Variants in GALNT7 observed in about 807,000 individuals in gnomAD.
GALNT7 encodes the protein N-acetylgalactosaminyltransferase 7.
In GALNT7, 60 loss-of-function variants were observed where a neutral mutation model predicts 82.1. That is an observed-to-expected ratio of 0.73 (90% CI 0.59 to 0.91). The LOEUF is 0.91. Among genes scored for constraint, GALNT7 ranks in the 40% least tolerant of loss-of-function variants. The pLI is 0.00. For synonymous variants in GALNT7, 243 were observed against 275.1 expected, an observed-to-expected ratio of 0.88 and a Z score of 1.15; for missense variants, 660 against 804.2, an observed-to-expected ratio of 0.82 and a Z score of 2.17.
At chr4:173,210,720 C>T (rs28546457) in intron 1 of GALNT7, among the ~76,000 whole-genome samples, 3,485 of 152,240 alleles carry the variant, frequency 0.023, 99 homozygotes, top group African/African-American at 0.068. Context: ...GGGTGAGCCA[C>T]CATGCCTGGC....
intron 3 of GALNT7, among the ~76,000 whole-genome samples, chr4:173,293,002 G>A (rs1736596752): frequency 6.6e-6 from 1 of 152,038 alleles, no homozygotes; most frequent in Admixed American, 6.6e-5. Context: ...TAACAATAAT[G>A]TTTTCATTAA....
intron 1 of GALNT7, among the ~76,000 whole-genome samples, chr4:173,170,119 A>T (rs1178774909): frequency 6.6e-6 from 1 of 151,882 alleles, no homozygotes; most frequent in East Asian, 2.0e-4. Context: ...CTCGCCCCCG[A>T]CCCTGACCTG....
chr4:173,308,430 T>C (rs1223063703), intron 8 of GALNT7, among the ~76,000 whole-genome samples: 1 of 152,178 alleles, frequency 6.6e-6, no homozygotes, highest in Non-Finnish European at 1.5e-5. Context: ...AAAATATGGT[T>C]TGGTTTTTTT....
At chr4:173,310,294 G>C (rs964026811) in intron 8 of GALNT7, among the ~76,000 whole-genome samples, 7 of 152,152 alleles carry the variant, frequency 4.6e-5, no homozygotes, top group African/African-American at 7.2e-5. Flanking sequence ...ATGAAACTTA[G>C]GGAGGCATGT....
intron 2 of GALNT7, among the ~76,000 whole-genome samples, chr4:173,251,878 A>G (rs911330983): frequency 1.3e-5 from 2 of 152,220 alleles, no homozygotes; most frequent in Non-Finnish European, 2.9e-5. Context: ...TCATTTTTTA[A>G]TATTTCAAAA....
chr4:173,223,280 A>G (rs1733700298), intron 1 of GALNT7, among the ~76,000 whole-genome samples: 1 of 152,124 alleles, frequency 6.6e-6, no homozygotes, highest in Non-Finnish European at 1.5e-5. Context: ...TTTTCACACC[A>G]TATCCTGCCT....
chr4:173,257,253 C>T lies in GALNT7; in HGVS notation c.587+8813C>T, dbSNP rs1735075551. Among the ~76,000 whole-genome samples, 3 of 152,142 alleles carry T rather than the reference C, an allele frequency of 2.0e-5. No homozygotes were observed. The South Asian group carries it at 6.2e-4, about 32-fold the overall frequency. On this transcript the variant is annotated intron_variant, in intron 2 of 11. Transcript: ENST00000265000. ...CAGTTTCCCCATGGTTAAGGCAAGTCATTGGAGAGAGCTGTAAAGCAAGAT... is the reference window on the plus strand; with the variant it reads ...CAGTTTCCCCATGGTTAAGGCAAGTTATTGGAGAGAGCTGTAAAGCAAGAT...
chr4:173,205,067 T>C (rs1247476087), intron 1 of GALNT7, among the ~76,000 whole-genome samples: 3 of 152,188 alleles, frequency 2.0e-5, no homozygotes, highest in Non-Finnish European at 4.4e-5. Flanking sequence ...TGTGCCTGGA[T>C]CAGCAGGTGG....
At chr4:173,248,860 G>C (rs535128673) in intron 2 of GALNT7, among the ~76,000 whole-genome samples, 1 of 152,180 alleles carries the variant, frequency 6.6e-6, no homozygotes, top group African/African-American at 2.4e-5. Flanking sequence ...GCCTTATCTT[G>C]TTGTGGAACA....
At position 173,217,724 on chromosome 4, in the gene GALNT7, A is replaced by G. The variant is rs116685948; in HGVS notation, c.127-30256A>G. 5.0e-3 allele frequency among the ~76,000 whole-genome samples: 756 copies of G among 152,302 alleles called. 8 individuals are homozygous for G. Among genetic ancestry groups the G allele is most frequent in the African/African-American group, 0.017 (711 of 41,570 alleles). The stretch of plus-strand genomic sequence containing the variant: ...AACCTTCATACCCACATTTAGCCAT[A>G]TGCGCTTTAAGACACACAGTGAAGA... On this transcript the variant is annotated intron_variant, in intron 1 of 11. Coordinates refer to ENST00000265000, the MANE Select transcript of GALNT7 (RefSeq NM_017423.3).
chr4:173,198,360 G>T lies in GALNT7; in HGVS notation c.126+29399G>T, dbSNP rs574198782. Among the ~76,000 whole-genome samples, 7 of 152,044 alleles carry T rather than the reference G, an allele frequency of 4.6e-5. No individual in the cohort carries two copies. The South Asian group carries it at 1.2e-3, about 27-fold the overall frequency. Reference sequence around the variant, plus strand: ...TGGGATTACAGGCGTGAGCCACCGCGCCCGGCCTGGATTGTTTCTTTAGTG... The same window carrying T: ...TGGGATTACAGGCGTGAGCCACCGCTCCCGGCCTGGATTGTTTCTTTAGTG... On this transcript the variant is annotated intron_variant, in intron 1 of 11. Coordinates refer to ENST00000265000, the MANE Select transcript of GALNT7 (RefSeq NM_017423.3).
At chr4:173,284,624 G>T (rs1736250327) in intron 2 of GALNT7, among the ~76,000 whole-genome samples, 1 of 152,054 alleles carries the variant, frequency 6.6e-6, no homozygotes, top group South Asian at 2.1e-4. Context: ...ATTTTGGGAA[G>T]CCTGTGAAAT....
At chr4:173,191,213 C>A (rs1337133078) in intron 1 of GALNT7, among the ~76,000 whole-genome samples, 3 of 151,082 alleles carry the variant, frequency 2.0e-5, no homozygotes, top group Non-Finnish European at 4.4e-5. Context: ...GGGTTCAGAT[C>A]TCTGGGGATG....
intron 1 of GALNT7, among the ~76,000 whole-genome samples, chr4:173,230,187 T>C (rs1019543252): frequency 3.3e-5 from 5 of 152,338 alleles, no homozygotes; most frequent in Middle Eastern, 3.4e-3. Flanking sequence ...GAGCTTCACC[T>C]TTTGTTGCAA....
intron 1 of GALNT7, among the ~76,000 whole-genome samples, chr4:173,205,372 GTTGGTCCTGGAGCC>G (rs925408316): frequency 1.8e-4 from 28 of 152,000 alleles, no homozygotes; most frequent in African/African-American, 6.8e-4. Context: ...AGTCTGCAGG[GTTGGTCCTGGAGCC>G]TTGGTTCATG....
intron 1 of GALNT7, among the ~76,000 whole-genome samples, chr4:173,238,893 T>A (rs1394262276): frequency 6.6e-6 from 1 of 152,226 alleles, no homozygotes; most frequent in Non-Finnish European, 1.5e-5. Flanking sequence ...GTCTTAAGAA[T>A]AAAAGTTTTT....
In GALNT7 at chr4:173,265,678, C is replaced by T. The variant is rs374955514; in HGVS notation, c.587+17238C>T. Among the ~76,000 whole-genome samples the T allele has an allele frequency of 1.6e-4, 21 of 129,764 alleles. No individual in the cohort carries two copies. In the East Asian group the frequency reaches 3.5e-3, roughly 21 times the overall value. The allele number at this position is 129,764 out of a possible 152,430, so 85.1% of individuals were successfully genotyped here. A position where few individuals can be genotyped will look rare whatever the true frequency, so the allele number is the denominator to read the frequency against. Reference sequence around the variant, plus strand: ...TTCCCCCCAATCTCCCTCCCTCCCCCACCCCCCACCCTGTCTCTCTCCCTT... The same window carrying T: ...TTCCCCCCAATCTCCCTCCCTCCCCTACCCCCCACCCTGTCTCTCTCCCTT... On this transcript the variant is annotated intron_variant, in intron 2 of 11. Coordinates refer to ENST00000265000, the MANE Select transcript of GALNT7 (RefSeq NM_017423.3).
chr4:173,236,643 G>A (rs1734240864), intron 1 of GALNT7, among the ~76,000 whole-genome samples: 1 of 152,150 alleles, frequency 6.6e-6, no homozygotes, highest in African/African-American at 2.4e-5. Context: ...AGCACTCCGT[G>A]TTTTTATGAT....
chr4:173,206,130 G>C (rs114608914), intron 1 of GALNT7, among the ~76,000 whole-genome samples: 1,993 of 152,280 alleles, frequency 0.013, 19 homozygotes, highest in Non-Finnish European at 0.022. Flanking sequence ...ATGACAGGCT[G>C]CAGGGGATAG....
Sources: allele counts gnomAD v4.1 joint callset (sites outside exome capture counted in the v4.1 genomes callset), GRCh38; gene constraint gnomAD v4.1.1; transcripts MANE v1.5; gene names NCBI Gene and HGNC (gene_info 2026-07-23, HGNC 2026-07-21).